The following UBE2O variants were observed in gnomAD, a reference collection of about 807,000 sequenced individuals.
The protein encoded by UBE2O is ubiquitin conjugating enzyme E2 O.
A neutral mutation model predicts 125.8 loss-of-function variants in UBE2O; 15 were observed. The ratio of observed to expected loss-of-function variants is 0.12; its 90% CI spans 0.08 to 0.18. UBE2O has a LOEUF of 0.18. UBE2O is among the 10% of genes least tolerant of loss of function. The pLI, the probability that UBE2O is intolerant of heterozygous loss-of-function variation, is 1.00. For missense variants in UBE2O, 1,280 were observed against 1,723.6 expected, an observed-to-expected ratio of 0.74 and a Z score of 4.56; for synonymous variants, 708 against 703.2, an observed-to-expected ratio of 1.01 and a Z score of -0.11.
Position 76,398,987 on chromosome 17 carries a change from C to A in UBE2O, c.1633G>T (p.Ala545Ser). The A allele has an allele frequency of 6.2e-7, 1 of 1,613,628 alleles. No individual in the cohort carries two copies. Among genetic ancestry groups the A allele is most frequent in the Non-Finnish European group, 8.5e-7 (1 of 1,179,856 alleles). The change falls in exon 10 of 18, where the codon GCA (alanine) becomes TCA (serine). Residue 545 changes from alanine (A) to serine (S), a missense_variant. Ala to Ser is a moderately conservative substitution (Grantham distance 99, BLOSUM62 1). Transcript: ENST00000319380. The surrounding 1 kb of genome is among the most constrained non-coding windows in gnomAD (Gnocchi z 5.4). ...GTCATCGTGGTCACCACCTCCACTG[C>A]CACCCTGCGGGTGCAGGCCAGTCAG... ...TRDFKPGDRV[A>S]VEVVTTMTSA...
At chr17:76,424,849 C>CTT (rs1336723655) in intron 1 of UBE2O, among the ~76,000 whole-genome samples, 75 of 143,862 alleles carry the variant, frequency 5.2e-4, no homozygotes, top group Middle Eastern at 7.1e-3. Context: ...TCACCTGTTT[C>CTT]TTTTTTTTTT....
At position 76,395,987 on chromosome 17, in the gene UBE2O, A is replaced by G; in HGVS notation, c.2810-126T>C. The G allele has an allele frequency of 4.0e-6, 6 of 1,508,484 alleles. No individual in the cohort carries two copies. Among genetic ancestry groups the G allele is most frequent in the Non-Finnish European group, 5.4e-6 (6 of 1,105,036 alleles). The allele number at this position is 1,508,484 out of a possible 1,614,324, so 93.4% of individuals were successfully genotyped here. On this transcript the variant is annotated intron_variant, in intron 14 of 17. Coordinates refer to ENST00000319380, the MANE Select transcript of UBE2O (RefSeq NM_022066.4). This position sits in a 1 kb window ranked among gnomAD's most constrained non-coding sequence, Gnocchi z 5.0. Reference sequence around the variant, plus strand: ...CGCCGCTGCTGGCCTCAGCACTGTGACCACACAGGGAAATGGTTTGCCCTG... The same window carrying G: ...CGCCGCTGCTGGCCTCAGCACTGTGGCCACACAGGGAAATGGTTTGCCCTG...
At position 76,402,756 on chromosome 17, in the gene UBE2O, GCA is replaced by G. The variant is rs1423356822; in HGVS notation, c.589-59_589-58del. On this transcript the variant is annotated intron_variant, in intron 3 of 17. Transcript: ENST00000319380. This position sits in a 1 kb window ranked among gnomAD's most constrained non-coding sequence, Gnocchi z 5.4. ...ACAGCAGACAACGTTCATGTCCAGG[GCA>G]CAGATTCCTCTATGCCCCACCGAAG... The G allele has an allele frequency of 4.8e-5, 68 of 1,424,404 alleles. No individual in the cohort carries two copies. Among genetic ancestry groups the G allele is most frequent in the Non-Finnish European group, 6.4e-5 (64 of 1,007,454 alleles). The allele number at this position is 1,424,404 out of a possible 1,614,324, so 88.2% of individuals were successfully genotyped here.
chr17:76,396,333 C>T lies in UBE2O; in HGVS notation c.2604G>A (p.Leu868=). ...CCTCCTCTACAATGGCCACATTGTC[C>T]AGGGTCTTCTTGAGGTTTTCCTGTA... ...KKLQENLKKT[L]DNVAIVEEEK... Residue 868 remains leucine, a synonymous_variant, in exon 14 of 18, where the codon CTG becomes CTA. Coordinates refer to ENST00000319380, the MANE Select transcript of UBE2O (RefSeq NM_022066.4). The surrounding 1 kb of genome is among the most constrained non-coding windows in gnomAD (Gnocchi z 6.7). 6.2e-7 allele frequency: 1 copy of T among 1,614,218 alleles called. No individual in the cohort carries two copies. Among genetic ancestry groups the T allele is most frequent in the Non-Finnish European group, 8.5e-7 (1 of 1,180,050 alleles).
chr17:76,443,477 T>TG (rs2073107402), intron 1 of UBE2O, among the ~76,000 whole-genome samples: 1 of 152,078 alleles, frequency 6.6e-6, no homozygotes, highest in Non-Finnish European at 1.5e-5. Flanking sequence ...TTAGTAGAGA[T>TG]GGGGTTTCAC....
At position 76,410,864 on chromosome 17, in the gene UBE2O, G is replaced by C. The variant is rs1014899402; in HGVS notation, c.418-5292C>G. Reference sequence around the variant, plus strand: ...ATAACACAGCAAAAGCAACTAGCTCGTCCTGCAGCTCCTGGTCCAGACTCT... The same window carrying C: ...ATAACACAGCAAAAGCAACTAGCTCCTCCTGCAGCTCCTGGTCCAGACTCT... On this transcript the variant is annotated intron_variant, in intron 1 of 17. Coordinates refer to ENST00000319380, the MANE Select transcript of UBE2O (RefSeq NM_022066.4). The surrounding 1 kb of genome is among the most constrained non-coding windows in gnomAD (Gnocchi z 4.0). Among the ~76,000 whole-genome samples, 3 of 152,136 alleles carry C rather than the reference G, an allele frequency of 2.0e-5. No individual in the cohort carries two copies. The South Asian group carries it at 6.2e-4, about 32-fold the overall frequency.
intron 3 of UBE2O, among the ~76,000 whole-genome samples, chr17:76,403,444 T>C (rs2072364048): frequency 1.3e-5 from 2 of 151,912 alleles, no homozygotes; most frequent in South Asian, 4.2e-4. Flanking sequence ...AATTTTTTCA[T>C]ATATTTTGGT....
chr17:76,436,507 A>G (rs2073000268), intron 1 of UBE2O, among the ~76,000 whole-genome samples: 2 of 152,136 alleles, frequency 1.3e-5, no homozygotes, highest in Non-Finnish European at 1.5e-5. Context: ...AGACTGAAGA[A>G]CAGACTATTA....
chr17:76,439,871 G>C (rs1486501036), intron 1 of UBE2O, among the ~76,000 whole-genome samples: 3 of 152,158 alleles, frequency 2.0e-5, no homozygotes, highest in Non-Finnish European at 2.9e-5. Context: ...TCTCAACTGT[G>C]TCCTGCAGGT....
intron 3 of UBE2O, among the ~76,000 whole-genome samples, chr17:76,403,653 A>G (rs565980519): frequency 2.3e-4 from 35 of 152,282 alleles, no homozygotes; most frequent in African/African-American, 7.0e-4. Flanking sequence ...TATAATACAT[A>G]TGTATTTCCT....
chr17:76,440,649 T>C (rs1417337562), intron 1 of UBE2O, among the ~76,000 whole-genome samples: 1 of 152,180 alleles, frequency 6.6e-6, no homozygotes, highest in Non-Finnish European at 1.5e-5. Flanking sequence ...TTTTCAGCTG[T>C]GGCTCACATT....
intron 1 of UBE2O, among the ~76,000 whole-genome samples, chr17:76,448,004 T>A (rs1464894136): frequency 1.3e-5 from 2 of 152,312 alleles, no homozygotes; most frequent in East Asian, 3.9e-4. Flanking sequence ...TCTTATTTCA[T>A]TGCAGAGGGA....
Position 76,398,662 on chromosome 17 carries a change from G to T in UBE2O, c.1784-78C>A. On this transcript the variant is annotated intron_variant, in intron 10 of 17. Coordinates refer to ENST00000319380, the MANE Select transcript of UBE2O (RefSeq NM_022066.4). This position sits in a 1 kb window ranked among gnomAD's most constrained non-coding sequence, Gnocchi z 5.4. ...CCCACATCTCAAGCCAGTGCAGAGTGCAGAACCCTGACCTTCCCCCGTCTT... is the reference window on the plus strand; with the variant it reads ...CCCACATCTCAAGCCAGTGCAGAGTTCAGAACCCTGACCTTCCCCCGTCTT... The T allele has an allele frequency of 1.3e-6, 2 of 1,510,496 alleles. No individual in the cohort carries two copies. The highest frequency in any genetic ancestry group is 1.8e-6 in the Non-Finnish European group (2 of 1,095,534). The allele number at this position is 1,510,496 out of a possible 1,614,324, so 93.6% of individuals were successfully genotyped here.
At position 76,418,388 on chromosome 17, in the gene UBE2O, C is replaced by T. The variant is rs577916972; in HGVS notation, c.418-12816G>A. ...ACCCTCTTCCAGGAGCCATGCCTTA[C>T]AACCAGCAACTGCGAGGCGCCATTT... On this transcript the variant is annotated intron_variant, in intron 1 of 17. Coordinates refer to ENST00000319380, the MANE Select transcript of UBE2O (RefSeq NM_022066.4). 2.0e-5 allele frequency among the ~76,000 whole-genome samples: 3 copies of T among 152,292 alleles called. No individual in the cohort carries two copies. The South Asian group carries it at 6.2e-4, about 32-fold the overall frequency.
At chr17:76,416,670 C>T (rs919326153) in intron 1 of UBE2O, among the ~76,000 whole-genome samples, 2 of 152,184 alleles carry the variant, frequency 1.3e-5, no homozygotes, top group South Asian at 4.1e-4. Context: ...AATACCATCC[C>T]GGGATGCTGG....
intron 1 of UBE2O, among the ~76,000 whole-genome samples, chr17:76,449,978 C>T (rs2073210656): frequency 6.6e-6 from 1 of 151,958 alleles, no homozygotes; most frequent in Non-Finnish European, 1.5e-5. Context: ...GTAGTCCCAG[C>T]TACCTGGGAG....
At position 76,398,717 on chromosome 17, in the gene UBE2O, GT is replaced by G; in HGVS notation, c.1783+119del. On this transcript the variant is annotated intron_variant, in intron 10 of 17. Coordinates refer to ENST00000319380, the MANE Select transcript of UBE2O (RefSeq NM_022066.4). The surrounding 1 kb of genome is among the most constrained non-coding windows in gnomAD (Gnocchi z 5.4). ...GTGGTGAGACCCCTTCATGAGGGCAGTCCCCTTCTGGACCTCATTTTAGCTC... is the reference window on the plus strand; with the variant it reads ...GTGGTGAGACCCCTTCATGAGGGCAGCCCCTTCTGGACCTCATTTTAGCTC... 2.7e-6 allele frequency: 4 copies of G among 1,470,682 alleles called. No homozygotes were observed. Among genetic ancestry groups the G allele is most frequent in the Non-Finnish European group, 3.7e-6 (4 of 1,072,118 alleles). 91.1% of individuals were successfully genotyped at this position (1,470,682 alleles called of 1,614,324 possible). A position where few individuals can be genotyped will look rare whatever the true frequency, so the allele number is the denominator to read the frequency against.
chr17:76,443,640 T>G (rs2073110014), intron 1 of UBE2O, among the ~76,000 whole-genome samples: 1 of 151,748 alleles, frequency 6.6e-6, no homozygotes, highest in South Asian at 2.1e-4. Context: ...GGAAGGGCAG[T>G]CACAATCACA....
In UBE2O at chr17:76,399,719, G is replaced by A. The variant is rs765152145; in HGVS notation, c.1358C>T (p.Pro453Leu). 5.0e-6 allele frequency: 8 copies of A among 1,614,108 alleles called. No homozygotes were observed. The highest frequency in any genetic ancestry group is 2.2e-5 in the East Asian group (1 of 44,870). Residue 453 changes from proline (P) to leucine (L), a missense_variant, in exon 9 of 18, where the codon CCC becomes CTC. By Grantham distance (98) the Pro-to-Leu change is moderately conservative. Coordinates refer to ENST00000319380, the MANE Select transcript of UBE2O (RefSeq NM_022066.4). This position sits in a 1 kb window ranked among gnomAD's most constrained non-coding sequence, Gnocchi z 6.9. The stretch of plus-strand genomic sequence containing the variant: ...GGGCAGCTGCTCTCCTGCCTCGTGG[G>A]GCTCCTCTGCACCCTCGTCCTGCAT... ...VEMQDEGAEE[P>L]HEAGEQLPPF... is the part of the protein sequence containing the mutation.
Sources: allele counts gnomAD v4.1 joint callset (sites outside exome capture counted in the v4.1 genomes callset), GRCh38; gene constraint gnomAD v4.1.1; non-coding constraint Gnocchi (gnomAD v3.1); transcripts MANE v1.5; gene names NCBI Gene and HGNC (gene_info 2026-07-23, HGNC 2026-07-21).